ALG9: variants seen among roughly 807,000 people sequenced by gnomAD.
ALG9 encodes ALG9 alpha-1,2-mannosyltransferase.
A neutral mutation model predicts 81.8 loss-of-function variants in ALG9; 55 were observed. The observed-to-expected ratio is 0.67, with a 90% confidence interval of 0.54 to 0.84. The LOEUF (loss-of-function observed/expected upper bound fraction) is 0.84. ALG9 is among the 40% of genes least tolerant of loss of function. The pLI, the probability that ALG9 is intolerant of heterozygous loss-of-function variation, is 0.00. For missense variants in ALG9, 629 were observed against 745.0 expected, an observed-to-expected ratio of 0.84 and a Z score of 1.81; for synonymous variants, 278 against 274.3, an observed-to-expected ratio of 1.01 and a Z score of -0.13.
At chr11:111,794,945 C>T (rs1948021696) in intron 14 of ALG9, among the ~76,000 whole-genome samples, 5 of 152,200 alleles carry the variant, frequency 3.3e-5, no homozygotes, top group Admixed American at 3.3e-4. Context: ...TTAAGCACAT[C>T]TCAAAAAGCT....
intron 8 of ALG9, among the ~76,000 whole-genome samples, chr11:111,852,706 C>A (rs1301862542): frequency 6.6e-6 from 1 of 152,056 alleles, no homozygotes; most frequent in Non-Finnish European, 1.5e-5. Context: ...GAGGCCAAGG[C>A]GGGTGGATCA....
the ALG9 span, among the ~76,000 whole-genome samples, chr11:111,773,322 G>A: frequency 2.0e-5 from 3 of 152,002 alleles, no homozygotes; most frequent in Non-Finnish European, 4.4e-5. Flanking sequence ...TCAGCTCACT[G>A]CAACTTCCAC....
At chr11:111,856,562 G>A (rs1555143288) in intron 6 of ALG9, among the ~76,000 whole-genome samples, 1 of 150,866 alleles carries the variant, frequency 6.6e-6, no homozygotes, top group African/African-American at 2.4e-5. Context: ...GACTATCTTT[G>A]AGGATTGAGC....
intron 13 of ALG9, among the ~76,000 whole-genome samples, chr11:111,832,458 T>A (rs1238205692): frequency 6.6e-6 from 1 of 151,754 alleles, no homozygotes; most frequent in African/African-American, 2.4e-5. Flanking sequence ...TTTTTTTTTA[T>A]TGTAGAGACT....
At position 111,850,678 on chromosome 11, in the gene ALG9, G is replaced by T. The variant is rs78019906; in HGVS notation, c.895+2702C>A. On this transcript the variant is annotated intron_variant, in intron 8 of 14. Transcript: ENST00000616540. Reference sequence around the variant, plus strand: ...GCAGAGATCGCACCACTGCACTCCAGCCCGGGTGACAGAGCGAGATACTGT... The same window carrying T: ...GCAGAGATCGCACCACTGCACTCCATCCCGGGTGACAGAGCGAGATACTGT... 4.1e-3 allele frequency among the ~76,000 whole-genome samples: 508 copies of T among 123,500 alleles called. 3 individuals carry two copies. Among genetic ancestry groups the T allele is most frequent in the African/African-American group, 0.017 (485 of 28,938 alleles). The allele number at this position is 123,500 out of a possible 152,430, so 81.0% of individuals were successfully genotyped here.
At chr11:111,833,069 C>T (rs1954653884) in intron 13 of ALG9, among the ~76,000 whole-genome samples, 1 of 152,106 alleles carries the variant, frequency 6.6e-6, no homozygotes. Context: ...TCCAGCAAGT[C>T]TGCTTAAGCA....
chr11:111,831,247 G>A (rs1555113246), intron 13 of ALG9, among the ~76,000 whole-genome samples: 1 of 152,074 alleles, frequency 6.6e-6, no homozygotes, highest in Admixed American at 6.6e-5. Context: ...CACCATGTTG[G>A]CCAAGCTGAT....
intron 9 of ALG9, 76 bp from the exon 10 acceptor site, chr11:111,840,885 A>G: frequency 6.4e-7 from 1 of 1,573,744 alleles, no homozygotes; most frequent in Non-Finnish European, 8.7e-7. Context: ...TGTTATCTTG[A>G]TCTCAAATTT....
intron 12 of ALG9, chr11:111,836,551 A>T (rs1592172187): frequency 6.9e-6 from 3 of 432,764 alleles, no homozygotes; most frequent in Non-Finnish European, 8.6e-6. Context: ...TGGTCATATC[A>T]TCAAAAAACC....
intron 4 of ALG9, chr11:111,864,246 C>A (rs1961472330): frequency 3.9e-6 from 4 of 1,018,738 alleles, no homozygotes; most frequent in Non-Finnish European, 4.6e-6. Flanking sequence ...CCGGCCCTCA[C>A]GTGCACCATG....
chr11:111,832,664 AT>A (rs2136749396), intron 13 of ALG9, among the ~76,000 whole-genome samples: 1 of 152,202 alleles, frequency 6.6e-6, no homozygotes, highest in South Asian at 2.1e-4. Flanking sequence ...CCACATATTA[AT>A]TTTTCATAAC....
chr11:111,847,642 T>G (rs1045306884), intron 8 of ALG9, among the ~76,000 whole-genome samples: 14 of 152,302 alleles, frequency 9.2e-5, no homozygotes, highest in Middle Eastern at 3.4e-3. Flanking sequence ...AACACTAAAT[T>G]TCGCCTCTTG....
chr11:111,771,015 C>CT, the ALG9 span: 3 of 152,188 alleles, frequency 2.0e-5, no homozygotes, highest in Non-Finnish European at 1.5e-5. Flanking sequence ...CAAAGGAAGA[C>CT]TGAGTTAGAT....
rs1412640923 is a variant in ALG9, at chr11:111,785,326, G to A, written c.*1071C>T. 4 of 152,232 alleles carry A rather than the reference G, an allele frequency of 2.6e-5. No homozygotes were observed. Among genetic ancestry groups the A allele is most frequent in the Non-Finnish European group, 1.5e-5 (1 of 68,056 alleles). 9.4% of individuals were successfully genotyped at this position (152,232 alleles called of 1,614,324 possible). A position where few individuals can be genotyped will look rare whatever the true frequency, so the allele number is the denominator to read the frequency against. ...CTGTGAAAGTGCCTTGTAAACTGAA[G>A]TACTGACTGTAAAGGCTTTTAAAGT... On this transcript the variant is annotated 3_prime_UTR_variant, in exon 15 of 15. Transcript: ENST00000616540.
the ALG9 span, among the ~76,000 whole-genome samples, chr11:111,772,365 G>A: frequency 1.1e-4 from 16 of 152,242 alleles, no homozygotes; most frequent in African/African-American, 2.9e-4. Context: ...GGCAGAGGCT[G>A]CAGTTAGCCA....
In ALG9 at chr11:111,838,453, T is replaced by A. The variant is rs1184015036; in HGVS notation, c.1174-54A>T. The A allele has an allele frequency of 1.1e-5, 16 of 1,508,640 alleles. No homozygotes were observed. The African/African-American group carries it at 2.1e-4, about 20-fold the overall frequency. The allele number at this position is 1,508,640 out of a possible 1,614,324, so 93.5% of individuals were successfully genotyped here. Reference sequence around the variant, plus strand: ...TATACATAATTACAAGACATCACAGTAACATCAAGAGCGAAGCCAAAAAAG... The same window carrying A: ...TATACATAATTACAAGACATCACAGAAACATCAAGAGCGAAGCCAAAAAAG... On this transcript the variant is annotated intron_variant, in intron 10 of 14. Transcript: ENST00000616540.
At chr11:111,831,902 C>T (rs573937987) in intron 13 of ALG9, among the ~76,000 whole-genome samples, 1 of 152,306 alleles carries the variant, frequency 6.6e-6, no homozygotes, top group Admixed American at 6.5e-5. Flanking sequence ...TATTAGGGAA[C>T]ACTTTGAGCG....
Position 111,868,672 on chromosome 11 carries a change from C to A in ALG9, c.335G>T (p.Arg112Leu). ...TWEYSPAYAI[R>L]SYAYLLLHAW... is the part of the protein sequence containing the mutation. Reference sequence around the variant, plus strand: ...ATGAAGCAACAGGTAAGCATAGGAGCGAATGGCATATGCTGGGGAATATTC... The same window carrying A: ...ATGAAGCAACAGGTAAGCATAGGAGAGAATGGCATATGCTGGGGAATATTC... The change falls in exon 3 of 15, where the codon CGC becomes CTC. Residue 112 changes from arginine to leucine, a missense_variant. Coordinates refer to ENST00000616540, the MANE Select transcript of ALG9 (RefSeq NM_024740.2). 1 of 1,613,672 alleles carries A rather than the reference C, an allele frequency of 6.2e-7. No individual in the cohort carries two copies. The highest frequency in any genetic ancestry group is 8.5e-7 in the Non-Finnish European group (1 of 1,179,690).
At chr11:111,771,656 G>C in the ALG9 span, among the ~76,000 whole-genome samples, 5 of 152,168 alleles carry the variant, frequency 3.3e-5, no homozygotes, top group Non-Finnish European at 5.9e-5. Flanking sequence ...GATGACAGGG[G>C]CGGGAAACCT....
Sources: allele counts gnomAD v4.1 joint callset (sites outside exome capture counted in the v4.1 genomes callset), GRCh38; gene constraint gnomAD v4.1.1; transcripts MANE v1.5; gene names NCBI Gene and HGNC (gene_info 2026-07-23, HGNC 2026-07-21).